Variants in NFE2L2 observed in about 807,000 individuals in gnomAD.
The protein encoded by NFE2L2 is NFE2 like bZIP transcription factor 2.
Under a neutral mutation model 49.6 loss-of-function variants are expected in NFE2L2, and 20 were observed. The ratio of observed to expected loss-of-function variants is 0.40; its 90% confidence interval spans 0.28 to 0.59. NFE2L2 has a LOEUF of 0.59. Among genes scored for constraint, NFE2L2 ranks in the 20% least tolerant of loss-of-function variants. The probability of loss-of-function intolerance (pLI) is 0.40; values close to 1 mark genes in which losing one functional copy is unlikely to be tolerated. For missense variants in NFE2L2, 578 were observed against 714.2 expected (o/e 0.81, Z 2.17); for synonymous variants, 244 against 256.5 (o/e 0.95, Z 0.47).
At chr2:177,254,507 T>C (rs865781217) in intron 1 of NFE2L2, among the ~76,000 whole-genome samples, 1 of 152,196 alleles carries the variant, frequency 6.6e-6, no homozygotes, top group East Asian at 1.9e-4. Context: ...GGGGCGGTTG[T>C]ATCACCCAGG....
At chr2:177,235,344 G>C (rs1689710184) in intron 1 of NFE2L2, among the ~76,000 whole-genome samples, 1 of 152,018 alleles carries the variant, frequency 6.6e-6, no homozygotes, top group Non-Finnish European at 1.5e-5. Flanking sequence ...GGCTGAGGTA[G>C]GAGGATCACT....
At chr2:177,251,001 G>A (rs1690318655) in intron 1 of NFE2L2, among the ~76,000 whole-genome samples, 1 of 152,236 alleles carries the variant, frequency 6.6e-6, no homozygotes, top group Admixed American at 6.5e-5. Flanking sequence ...TTCAGCTCCT[G>A]TTGCAAATGC....
intron 1 of NFE2L2, among the ~76,000 whole-genome samples, chr2:177,263,189 T>G (rs1690802234): frequency 1.3e-5 from 2 of 152,244 alleles, no homozygotes; most frequent in Non-Finnish European, 2.9e-5. Flanking sequence ...TTCACTTTTA[T>G]AACAATTCAC....
chr2:177,236,447 T>G (rs1689753626), intron 1 of NFE2L2, among the ~76,000 whole-genome samples: 2 of 152,342 alleles, frequency 1.3e-5, no homozygotes, highest in South Asian at 4.1e-4. Flanking sequence ...TACCTAATTA[T>G]CTTTAAGCCA....
intron 1 of NFE2L2, among the ~76,000 whole-genome samples, chr2:177,243,671 T>A (rs1690017194): frequency 6.6e-6 from 1 of 152,078 alleles, no homozygotes; most frequent in African/African-American, 2.4e-5. Flanking sequence ...CCATGCCTGG[T>A]TAATTTTTAT....
Position 177,256,500 on chromosome 2 carries a change from A to AAC in NFE2L2, c.45+8031_45+8032insGT, listed in dbSNP as rs1690530234. On this transcript the variant is annotated intron_variant, in intron 1 of 4. Transcript: ENST00000397062. ...CTCTGAATGTCAGCTACATTCTTGC[A>AAC]AAAAAAAAAAAAAAAAAAAAGGAAA... 1.3e-4 allele frequency among the ~76,000 whole-genome samples: 7 copies of AAC among 54,170 alleles called. No homozygotes were observed. In the South Asian group the frequency reaches 2.5e-3, roughly 20 times the overall value. 35.5% of individuals were successfully genotyped at this position (54,170 alleles called of 152,430 possible).
intron 1 of NFE2L2, among the ~76,000 whole-genome samples, chr2:177,241,701 A>G (rs1324194178): frequency 1.3e-5 from 2 of 152,256 alleles, no homozygotes; most frequent in East Asian, 3.9e-4. Flanking sequence ...AAAAAAATTT[A>G]AAAATTAGCC....
At chr2:177,262,668 T>G (rs1218071341) in intron 1 of NFE2L2, among the ~76,000 whole-genome samples, 1 of 152,238 alleles carries the variant, frequency 6.6e-6, no homozygotes, top group Non-Finnish European at 1.5e-5. Flanking sequence ...ACACACTTAA[T>G]GCGGTACATA....
chr2:177,246,389 C>T (rs1294631532), intron 1 of NFE2L2, among the ~76,000 whole-genome samples: 1 of 152,076 alleles, frequency 6.6e-6, no homozygotes, highest in Non-Finnish European at 1.5e-5. Context: ...AAATAGATAC[C>T]AGGTGTACAT....
At chr2:177,262,870 A>T (rs1310391129) in intron 1 of NFE2L2, among the ~76,000 whole-genome samples, 9 of 152,250 alleles carry the variant, frequency 5.9e-5, no homozygotes, top group Non-Finnish European at 1.2e-4. Flanking sequence ...ATCGGAAGGT[A>T]CAATTTAATT....
chr2:177,233,180 A>T, intron 3 of NFE2L2, 70 bp downstream of exon 3: 1 of 1,278,694 alleles, frequency 7.8e-7, no homozygotes, highest in East Asian at 2.6e-5. Context: ...GACGGGACTT[A>T]CATAGAATAG....
Position 177,230,746 on chromosome 2 carries a change from C to CA in NFE2L2, c.*38dup, listed in dbSNP as rs769505567. On this transcript the variant is annotated 3_prime_UTR_variant, in exon 5 of 5. Transcript: ENST00000397062. ...AGTAGGAGCTTTTAGTATAATAGTA[C>CA]AAAAAAACTAGCTCAGAAAAGGTCA... is the stretch of plus-strand genomic sequence containing the variant. The CA allele has an allele frequency of 3.9e-6, 6 of 1,532,594 alleles. No homozygotes were observed. The highest frequency in any genetic ancestry group is 1.4e-5 in the African/African-American group (1 of 71,786). 94.9% of individuals were successfully genotyped at this position (1,532,594 alleles called of 1,614,324 possible).
intron 1 of NFE2L2, among the ~76,000 whole-genome samples, chr2:177,236,130 C>T (rs1023455091): frequency 1.3e-5 from 2 of 152,246 alleles, no homozygotes; most frequent in African/African-American, 2.4e-5. Flanking sequence ...CAGCTGGCAA[C>T]GCCAGACTTA....
chr2:177,256,045 A>G (rs1164549791), intron 1 of NFE2L2: 1 of 154,580 alleles, frequency 6.5e-6, no homozygotes, highest in Non-Finnish European at 1.5e-5. Context: ...TAAAAAAATT[A>G]TTTTCTTTTT....
At chr2:177,251,235 G>C (rs577146337) in intron 1 of NFE2L2, among the ~76,000 whole-genome samples, 1 of 152,312 alleles carries the variant, frequency 6.6e-6, no homozygotes, top group South Asian at 2.1e-4. Context: ...TACAAAAGAA[G>C]TGTCTTAAAG....
intron 1 of NFE2L2, among the ~76,000 whole-genome samples, chr2:177,242,565 T>C (rs2105470527): frequency 6.6e-6 from 1 of 152,340 alleles, no homozygotes; most frequent in African/African-American, 2.4e-5. Context: ...CAGGTTACTA[T>C]GTGCAGCCAT....
At chr2:177,247,548 C>T (rs1449133975) in intron 1 of NFE2L2, among the ~76,000 whole-genome samples, 1 of 151,960 alleles carries the variant, frequency 6.6e-6, no homozygotes, top group Non-Finnish European at 1.5e-5. Context: ...ATAATCTCAG[C>T]TACTCCAGAG....
In NFE2L2 at chr2:177,234,284, CA is replaced by C. The variant is rs2105459860; in HGVS notation, c.46-14del. 2.5e-6 allele frequency: 4 copies of C among 1,581,120 alleles called. No homozygotes were observed. Among genetic ancestry groups the C allele is most frequent in the South Asian group, 1.2e-5 (1 of 85,690 alleles). On this transcript the variant is annotated splice_polypyrimidine_tract_variant and intron_variant, in intron 1 of 4. Coordinates refer to ENST00000397062, the MANE Select transcript of NFE2L2 (RefSeq NM_006164.5). The stretch of plus-strand genomic sequence containing the variant: ...TCAAATCCATGTCCTATGTTTAAGA[CA>C]AAAAAAGGAAGGAGAGAGCTCATGT...
Position 177,233,300 on chromosome 2 carries a change from C to T in NFE2L2, c.352G>A (p.Asp118Asn), listed in dbSNP as rs1273607465. The T allele has an allele frequency of 6.2e-7, 1 of 1,609,822 alleles. No individual in the cohort carries two copies. The highest frequency in any genetic ancestry group is 8.5e-7 in the Non-Finnish European group (1 of 1,178,820). Reference protein sequence around the residue: ...IPKSDALYFDDCMQLLAQTFP... With the variant: ...IPKSDALYFDNCMQLLAQTFP... ...GTCTGCGCCAAAAGCTGCATGCAGTCATCAAAGTACAAAGCATCTGATTTG... is the reference window on the plus strand; with the variant it reads ...GTCTGCGCCAAAAGCTGCATGCAGTTATCAAAGTACAAAGCATCTGATTTG... Residue 118 changes from aspartate to asparagine, a missense_variant, in exon 3 of 5, where the codon GAC (aspartate) becomes AAC (asparagine). Transcript: ENST00000397062.
Sources: gnomAD v4.1 joint callset for allele counts (sites outside exome capture counted in the v4.1 genomes callset) on GRCh38, gnomAD v4.1.1 for gene constraint, MANE v1.5 for transcripts, NCBI Gene and HGNC (gene_info 2026-07-23, HGNC 2026-07-21) for gene names.